ZNF804A: variants seen among roughly 807,000 people sequenced by gnomAD.
ZNF804A encodes zinc finger protein 804A.
Under a neutral mutation model 16.5 loss-of-function variants are expected in ZNF804A, and 2 were observed. The ratio of observed to expected loss-of-function variants is 0.12; its 90% confidence interval spans 0.05 to 0.38. ZNF804A has a LOEUF of 0.38. Ranked by LOEUF, ZNF804A falls within the 10% of genes least tolerant of loss-of-function variation. The probability of loss-of-function intolerance (pLI) is 0.99; values close to 1 mark genes in which losing one functional copy is unlikely to be tolerated. For synonymous variants in ZNF804A, 534 were observed against 489.6 expected (o/e 1.09, Z -1.20); for missense variants, 1,473 against 1,390.7 (o/e 1.06, Z -0.94).
chr2:184,883,934 A>T (rs536377448), intron 2 of ZNF804A, among the ~76,000 whole-genome samples: 3 of 151,880 alleles, frequency 2.0e-5, no homozygotes, highest in Non-Finnish European at 4.4e-5. Flanking sequence ...TTCACATAGT[A>T]CTAGAGGTAT....
intron 1 of ZNF804A, among the ~76,000 whole-genome samples, chr2:184,830,922 T>C (rs1053782288): frequency 1.3e-5 from 2 of 152,134 alleles, no homozygotes; most frequent in African/African-American, 4.8e-5. Flanking sequence ...AATAGAAATT[T>C]TCTTTAACTG....
intron 1 of ZNF804A, among the ~76,000 whole-genome samples, chr2:184,746,650 A>G (rs1693794172): frequency 6.6e-6 from 1 of 151,144 alleles, no homozygotes; most frequent in Admixed American, 6.6e-5. Context: ...CATTCATTCT[A>G]TCTAACTATA....
chr2:184,904,873 A>G (rs969732422), intron 2 of ZNF804A, among the ~76,000 whole-genome samples: 2 of 152,078 alleles, frequency 1.3e-5, no homozygotes, highest in East Asian at 1.9e-4. Context: ...TTCTGTCTCT[A>G]TGGATTCACC....
At chr2:184,918,288 G>A (rs935181126) in intron 2 of ZNF804A, among the ~76,000 whole-genome samples, 2 of 152,094 alleles carry the variant, frequency 1.3e-5, no homozygotes, top group Admixed American at 6.6e-5. Context: ...TTAACTTCCA[G>A]TTCAGTGGAA....
At chr2:184,798,593 T>C (rs1694673837) in intron 1 of ZNF804A, among the ~76,000 whole-genome samples, 1 of 152,138 alleles carries the variant, frequency 6.6e-6, no homozygotes. Flanking sequence ...AGTTTGATTG[T>C]TTTTTCTTTA....
chr2:184,785,817 T>C (rs929134608), intron 1 of ZNF804A, among the ~76,000 whole-genome samples: 8 of 152,092 alleles, frequency 5.3e-5, no homozygotes, highest in Admixed American at 5.3e-4. Context: ...CTGTACACAT[T>C]GATTATACTG....
At chr2:184,750,012 A>G (rs925156226) in intron 1 of ZNF804A, among the ~76,000 whole-genome samples, 4 of 151,436 alleles carry the variant, frequency 2.6e-5, no homozygotes, top group African/African-American at 9.7e-5. Flanking sequence ...GAAATAATTC[A>G]TAATACAAGA....
At chr2:184,689,086 A>G (rs552516862) in intron 1 of ZNF804A, among the ~76,000 whole-genome samples, 1 of 152,264 alleles carries the variant, frequency 6.6e-6, no homozygotes, top group East Asian at 1.9e-4. Context: ...CACACAAGGA[A>G]TATGACACCC....
intron 1 of ZNF804A, among the ~76,000 whole-genome samples, chr2:184,671,091 G>A (rs577506530): frequency 3.9e-5 from 6 of 152,098 alleles, no homozygotes; most frequent in African/African-American, 7.2e-5. Context: ...AAGTGATCAC[G>A]TTCATACAAT....
chr2:184,741,306 T>C (rs1223272883), intron 1 of ZNF804A, among the ~76,000 whole-genome samples: 2 of 152,180 alleles, frequency 1.3e-5, no homozygotes, highest in Non-Finnish European at 2.9e-5. Flanking sequence ...GTTGTTCTCA[T>C]TCAGTACAAG....
At chr2:184,908,391 C>G (rs1024948942) in intron 2 of ZNF804A, among the ~76,000 whole-genome samples, 2 of 152,028 alleles carry the variant, frequency 1.3e-5, no homozygotes, top group Non-Finnish European at 2.9e-5. Flanking sequence ...TTATAAGGAC[C>G]CTTTGATTGA....
rs1188087789 is a variant in ZNF804A at position 184,763,630 on chromosome 2, C to CTTTT, written c.112-102710_112-102707dup. Among the ~76,000 whole-genome samples, 65 of 21,270 alleles carry CTTTT rather than the reference C, an allele frequency of 3.1e-3. 15 individuals are homozygous for CTTTT. Among genetic ancestry groups the CTTTT allele is most frequent in the African/African-American group, 0.011 (54 of 5,094 alleles). The allele number at this position is 21,270 out of a possible 152,430, so 14.0% of individuals were successfully genotyped here. On this transcript the variant is annotated intron_variant, in intron 1 of 3. Transcript: ENST00000302277. ...TGCTTTACTTTTTTTCTTCAAAGTG[C>CTTTT]TTTTTTTTTTTTTTTTTTTTTTTTT...
chr2:184,679,392 G>A (rs769234747), intron 1 of ZNF804A, among the ~76,000 whole-genome samples: 13 of 152,206 alleles, frequency 8.5e-5, no homozygotes, highest in Non-Finnish European at 1.8e-4. Flanking sequence ...AGGGATGCAT[G>A]CTCCATGGAG....
At chr2:184,873,506 C>A (rs1696006214) in intron 2 of ZNF804A, among the ~76,000 whole-genome samples, 1 of 151,994 alleles carries the variant, frequency 6.6e-6, no homozygotes. Flanking sequence ...CAAACAAACA[C>A]AAAGTGTTGT....
At chr2:184,774,907 G>T (rs1186943580) in intron 1 of ZNF804A, among the ~76,000 whole-genome samples, 3 of 151,504 alleles carry the variant, frequency 2.0e-5, no homozygotes, top group Non-Finnish European at 4.4e-5. Flanking sequence ...TGAGGGAAGA[G>T]ATGGATCACT....
At chr2:184,716,494 A>T (rs961938879) in intron 1 of ZNF804A, among the ~76,000 whole-genome samples, 3 of 152,172 alleles carry the variant, frequency 2.0e-5, no homozygotes, top group African/African-American at 7.2e-5. Flanking sequence ...GCAATATAGT[A>T]AGTGTTACAG....
intron 1 of ZNF804A, among the ~76,000 whole-genome samples, chr2:184,794,144 C>T (rs1363041664): frequency 6.6e-6 from 1 of 152,100 alleles, no homozygotes; most frequent in Non-Finnish European, 1.5e-5. Flanking sequence ...AAGGAATCTC[C>T]ACACTGTTTT....
Position 184,933,749 on chromosome 2 carries a change from A to G in ZNF804A, c.386+16A>G. 1 of 1,587,978 alleles carries G rather than the reference A, an allele frequency of 6.3e-7. No individual in the cohort carries two copies. The highest frequency in any genetic ancestry group is 2.3e-5 in the East Asian group (1 of 44,396). ...AAACTGTATGGTGAGTATCCAATGAAATTGTAAGTTTTCTTAAAACATGAC... is the reference window on the plus strand; with the variant it reads ...AAACTGTATGGTGAGTATCCAATGAGATTGTAAGTTTTCTTAAAACATGAC... On this transcript the variant is annotated intron_variant, in intron 3 of 3. Transcript: ENST00000302277.
chr2:184,938,360 A>T lies in ZNF804A; in HGVS notation c.2964A>T (p.Pro988=), dbSNP rs1685830467. Residue 988 remains proline (P), a synonymous_variant, in exon 4 of 4, where the codon CCA becomes CCT. Transcript: ENST00000302277. ...ALPQGKMNET[P]TEWLRYNSGI... The stretch of plus-strand genomic sequence containing the variant: ...CACAAGGAAAGATGAATGAGACACC[A>T]ACTGAGTGGCTGCGTTATAATTCAG... 2 of 1,614,176 alleles carry T rather than the reference A, an allele frequency of 1.2e-6. No individual in the cohort carries two copies. Among genetic ancestry groups the T allele is most frequent in the Non-Finnish European group, 8.5e-7 (1 of 1,180,018 alleles).
Sources: allele counts gnomAD v4.1 joint callset (sites outside exome capture counted in the v4.1 genomes callset), GRCh38; gene constraint gnomAD v4.1.1; transcripts MANE v1.5; gene names NCBI Gene and HGNC (gene_info 2026-07-23, HGNC 2026-07-21).